The following PDS5A variants were observed in gnomAD, a reference collection of about 807,000 sequenced individuals.
The protein encoded by PDS5A is sister chromatid cohesion protein PDS5 homolog A.
In PDS5A, 42 loss-of-function variants were observed where a neutral mutation model predicts 167.1. That is an observed-to-expected ratio of 0.25 (90% CI 0.20 to 0.33). PDS5A has a LOEUF of 0.33. Among genes scored for constraint, PDS5A ranks in the 10% least tolerant of loss-of-function variants. The probability of loss-of-function intolerance (pLI) is 1.00; values close to 1 mark genes in which losing one functional copy is unlikely to be tolerated. For synonymous variants in PDS5A, 553 were observed against 554.6 expected (o/e 1.00, Z 0.04); for missense variants, 1,033 against 1,605.9 (o/e 0.64, Z 6.10).
In PDS5A at chr4:39,977,625, G is replaced by C. The variant is rs1032173222; in HGVS notation, c.-209C>G. ...CGCTGGGGCTGGCGGTGCCGAGGAG[G>C]AGCAGCCGCCGCGGGGGGAGACGCG... On this transcript the variant is annotated 5_prime_UTR_variant, in exon 1 of 33. Coordinates refer to ENST00000303538, the MANE Select transcript of PDS5A (RefSeq NM_001100399.2). The surrounding 1 kb of genome is among the most constrained non-coding windows in gnomAD (Gnocchi z 4.2). 6.5e-6 allele frequency: 1 copy of C among 153,714 alleles called. No individual in the cohort carries two copies. The highest frequency in any genetic ancestry group is 1.4e-5 in the Non-Finnish European group (1 of 69,664). 9.5% of individuals were successfully genotyped at this position (153,714 alleles called of 1,614,324 possible).
At chr4:39,884,086 G>A (rs1201790662) in intron 17 of PDS5A, among the ~76,000 whole-genome samples, 1 of 151,898 alleles carries the variant, frequency 6.6e-6, no homozygotes, top group Non-Finnish European at 1.5e-5. Context: ...GTGCCACCAC[G>A]TCAGGCTAAT....
intron 31 of PDS5A, among the ~76,000 whole-genome samples, chr4:39,838,479 T>C (rs184904139): frequency 6.6e-6 from 1 of 152,146 alleles, no homozygotes; most frequent in Non-Finnish European, 1.5e-5. Context: ...CGCAGCACTT[T>C]AGGAGGCTAA....
chr4:39,954,983 T>C (rs1174996112), intron 2 of PDS5A, among the ~76,000 whole-genome samples: 1 of 151,684 alleles, frequency 6.6e-6, no homozygotes, highest in East Asian at 1.9e-4. Flanking sequence ...GAGGCAGCAG[T>C]GAGCCATGAT....
At chr4:39,939,336 A>C (rs1177718876) in intron 2 of PDS5A, among the ~76,000 whole-genome samples, 1 of 152,060 alleles carries the variant, frequency 6.6e-6, no homozygotes, top group Non-Finnish European at 1.5e-5. Context: ...GCATGGAGAC[A>C]TGCGCCTGTA....
intron 2 of PDS5A, among the ~76,000 whole-genome samples, chr4:39,967,872 C>T (rs891067810): frequency 6.6e-5 from 10 of 151,808 alleles, no homozygotes; most frequent in East Asian, 1.9e-4. Context: ...GCTGAGATTG[C>T]GCCACTGCAC....
At chr4:39,966,186 TGAACA>T (rs1186648521) in intron 2 of PDS5A, among the ~76,000 whole-genome samples, 16 of 152,346 alleles carry the variant, frequency 1.1e-4, no homozygotes, top group Non-Finnish European at 1.2e-4. Flanking sequence ...TTAAAACATA[TGAACA>T]GAACTCAGAG....
chr4:39,918,204 G>C (rs1450314505), intron 7 of PDS5A, among the ~76,000 whole-genome samples: 12 of 122,388 alleles, frequency 9.8e-5, no homozygotes, highest in South Asian at 2.8e-4. Flanking sequence ...AAAAAAAACA[G>C]AATAATTTTT....
intron 11 of PDS5A, among the ~76,000 whole-genome samples, 158 bp from the exon 12 acceptor site, chr4:39,904,349 T>G (rs1723130881): frequency 6.6e-6 from 1 of 152,232 alleles, no homozygotes; most frequent in South Asian, 2.1e-4. Context: ...CAATTTTATT[T>G]TTTTTTTGAG....
At chr4:39,890,199 G>A in intron 17 of PDS5A, 50 bp downstream of exon 17, 1 of 985,084 alleles carries the variant, frequency 1.0e-6, no homozygotes, top group East Asian at 2.6e-5. Flanking sequence ...TAACAACATT[G>A]TCGTTGCAGA....
At chr4:39,973,149 G>A in intron 2 of PDS5A, 2 of 897,616 alleles carry the variant, frequency 2.2e-6, no homozygotes, top group South Asian at 1.3e-5. Flanking sequence ...GAACACCAAT[G>A]GCACTGTTAA....
chr4:39,973,875 C>T, intron 2 of PDS5A: 1 of 784,934 alleles, frequency 1.3e-6, no homozygotes, highest in South Asian at 1.5e-5. Context: ...CCTGTAATCC[C>T]AGCACTTTGG....
chr4:39,831,338 A>G (rs1027860936), intron 32 of PDS5A, among the ~76,000 whole-genome samples: 3 of 151,870 alleles, frequency 2.0e-5, no homozygotes, highest in Non-Finnish European at 4.4e-5. Context: ...TGACCTCGTG[A>G]TCTGCCCACC....
chr4:39,840,904 G>A (rs558201031), intron 31 of PDS5A, among the ~76,000 whole-genome samples: 110 of 151,316 alleles, frequency 7.3e-4, no homozygotes, highest in South Asian at 3.8e-3. Flanking sequence ...ACAGGTGTGC[G>A]CCACCATGCC....
At chr4:39,959,757 C>A (rs1729302562) in intron 2 of PDS5A, among the ~76,000 whole-genome samples, 1 of 151,950 alleles carries the variant, frequency 6.6e-6, no homozygotes, top group African/African-American at 2.4e-5. Context: ...GAGTTTGAGA[C>A]CAGCCTGGCC....
At chr4:39,830,138 T>C (rs1467316185) in intron 32 of PDS5A, among the ~76,000 whole-genome samples, 1 of 152,108 alleles carries the variant, frequency 6.6e-6, no homozygotes, top group East Asian at 1.9e-4. Context: ...TATAGTGTGA[T>C]ACTTGCTTAA....
Position 39,864,731 on chromosome 4 carries a change from T to C in PDS5A, c.2643-1272A>G, listed in dbSNP as rs77915058. Among the ~76,000 whole-genome samples, 40 of 152,294 alleles carry C rather than the reference T, an allele frequency of 2.6e-4. No individual in the cohort carries two copies. The East Asian group carries it at 7.5e-3, about 29-fold the overall frequency. On this transcript the variant is annotated intron_variant, in intron 23 of 32. Coordinates refer to ENST00000303538, the MANE Select transcript of PDS5A (RefSeq NM_001100399.2). ...TTCAGGAATCAAAGTTAATAGCTAT[T>C]ATGTGAGTGCTTACTCCGTGCCAGG...
chr4:39,930,247 G>GTT lies in PDS5A; in HGVS notation c.139-2085_139-2084dup, dbSNP rs1258661213. On this transcript the variant is annotated intron_variant, in intron 2 of 32. Coordinates refer to ENST00000303538, the MANE Select transcript of PDS5A (RefSeq NM_001100399.2). ...AAAAAAAAAAAAAAAAAAAAAAAAA[G>GTT]TTTTTTTGTTTTTTGTTTTTTTTTT... 3.6e-3 allele frequency among the ~76,000 whole-genome samples: 223 copies of GTT among 61,896 alleles called. 14 individuals are homozygous for GTT. The highest frequency in any genetic ancestry group is 6.9e-3 in the African/African-American group (122 of 17,786). 40.6% of individuals were successfully genotyped at this position (61,896 alleles called of 152,430 possible). A position where few individuals can be genotyped will look rare whatever the true frequency, so the allele number is the denominator to read the frequency against.
At chr4:39,957,831 G>C (rs573973852) in intron 2 of PDS5A, among the ~76,000 whole-genome samples, 132 of 145,766 alleles carry the variant, frequency 9.1e-4, no homozygotes, top group Middle Eastern at 3.6e-3. Flanking sequence ...TACAAACAAA[G>C]ATGCTATGTG....
rs1177487427 is a variant in PDS5A, at chr4:39,886,551, TA to T, written c.1886+3697del. 4.6e-5 allele frequency among the ~76,000 whole-genome samples: 7 copies of T among 151,886 alleles called. No individual in the cohort carries two copies. The East Asian group carries it at 1.4e-3, about 29-fold the overall frequency. On this transcript the variant is annotated intron_variant, in intron 17 of 32. Transcript: ENST00000303538. ...CAACATGGAGAAACCCCATCTCTACTAAAAATACAAAATTAGGCAGGTGCAG... is the reference window on the plus strand; with the variant it reads ...CAACATGGAGAAACCCCATCTCTACTAAAATACAAAATTAGGCAGGTGCAG...
Sources: gnomAD v4.1 joint callset for allele counts (sites outside exome capture counted in the v4.1 genomes callset) on GRCh38, gnomAD v4.1.1 for gene constraint, Gnocchi (gnomAD v3.1) non-coding constraint, MANE v1.5 for transcripts, NCBI Gene and HGNC (gene_info 2026-07-23, HGNC 2026-07-21) for gene names.